Variants in DIAPH3 observed in about 807,000 individuals in gnomAD.
The protein encoded by DIAPH3 is protein diaphanous homolog 3.
In DIAPH3, 117 loss-of-function variants were observed where a neutral mutation model predicts 144.3. The observed-to-expected ratio is 0.81, with a 90% confidence interval of 0.70 to 0.95. DIAPH3 has a LOEUF of 0.95. Among genes scored for constraint, DIAPH3 ranks in the 40% least tolerant of loss-of-function variants. The pLI is 0.00. For synonymous variants in DIAPH3, 519 were observed against 488.9 expected (o/e 1.06, Z -0.81); for missense variants, 1,421 against 1,412.7 (o/e 1.01, Z -0.09).
At chr13:59,736,678 CA>C (rs1175530566) in intron 27 of DIAPH3, among the ~76,000 whole-genome samples, 9 of 152,040 alleles carry the variant, frequency 5.9e-5, no homozygotes, top group African/African-American at 1.9e-4. Context: ...ATGTGGAACT[CA>C]AAAAGAGCCC....
At chr13:59,811,940 GA>G (rs2040499718) in intron 24 of DIAPH3, among the ~76,000 whole-genome samples, 1 of 151,956 alleles carries the variant, frequency 6.6e-6, no homozygotes. Flanking sequence ...GTAAACATGG[GA>G]TTTTTAAGTG....
chr13:59,881,014 C>T (rs1198964146), intron 20 of DIAPH3, among the ~76,000 whole-genome samples: 1 of 141,420 alleles, frequency 7.1e-6, no homozygotes, highest in Admixed American at 7.1e-5. Context: ...GAAGAAATAT[C>T]ATTAAGTTTA....
At chr13:60,004,040 C>T (rs1321220499) in intron 9 of DIAPH3, among the ~76,000 whole-genome samples, 2 of 152,092 alleles carry the variant, frequency 1.3e-5, no homozygotes, top group African/African-American at 4.8e-5. Context: ...AGTAACAATT[C>T]TCCTTATTCT....
chr13:59,963,275 C>G (rs2049863085), intron 17 of DIAPH3, among the ~76,000 whole-genome samples: 1 of 152,110 alleles, frequency 6.6e-6, no homozygotes, highest in Non-Finnish European at 1.5e-5. Context: ...GGGACAAGAA[C>G]AGCTTATCTA....
intron 20 of DIAPH3, among the ~76,000 whole-genome samples, chr13:59,902,353 C>T (rs1202651649): frequency 1.3e-5 from 2 of 152,068 alleles, no homozygotes; most frequent in Non-Finnish European, 2.9e-5. Context: ...CCTTCTCTGG[C>T]CATGTAAGAC....
rs2031981105 is a variant in DIAPH3, at chr13:59,665,865, A to G, written c.*719T>C. 6.6e-6 allele frequency: 1 copy of G among 152,496 alleles called. No individual in the cohort carries two copies. The highest frequency in any genetic ancestry group is 6.5e-5 in the Admixed American group (1 of 15,286). The allele number at this position is 152,496 out of a possible 1,614,324, so 9.4% of individuals were successfully genotyped here. Reference sequence around the variant, plus strand: ...AATACTCTCTTAGCCAAGATCAAGAATTTCGGCAGCACTGCAATTCTGTTT... The same window carrying G: ...AATACTCTCTTAGCCAAGATCAAGAGTTTCGGCAGCACTGCAATTCTGTTT... On this transcript the variant is annotated 3_prime_UTR_variant, in exon 28 of 28. Transcript: ENST00000400324.
At chr13:59,925,429 C>T (rs2047707648) in intron 17 of DIAPH3, among the ~76,000 whole-genome samples, 1 of 152,076 alleles carries the variant, frequency 6.6e-6, no homozygotes, top group African/African-American at 2.4e-5. Context: ...GTATTATCTT[C>T]GTGATGTACT....
intron 9 of DIAPH3, among the ~76,000 whole-genome samples, chr13:60,006,192 A>C (rs1163883598): frequency 6.6e-6 from 1 of 152,174 alleles, no homozygotes; most frequent in Admixed American, 6.6e-5. Flanking sequence ...TTTATGTCTA[A>C]CAGCCAAAAC....
chr13:59,983,270 T>C (rs1189622911), intron 13 of DIAPH3, among the ~76,000 whole-genome samples: 1 of 146,910 alleles, frequency 6.8e-6, no homozygotes, highest in African/African-American at 2.5e-5. Flanking sequence ...ATTACACAAA[T>C]ATTTTCTTAT....
chr13:59,870,115 T>A (rs1205039728), intron 21 of DIAPH3, among the ~76,000 whole-genome samples: 1 of 151,806 alleles, frequency 6.6e-6, no homozygotes, highest in African/African-American at 2.4e-5. Flanking sequence ...TATATTTAGG[T>A]CCATGATAAA....
intron 25 of DIAPH3, among the ~76,000 whole-genome samples, chr13:59,808,010 T>C (rs1842729523): frequency 6.6e-6 from 1 of 151,758 alleles, no homozygotes; most frequent in Non-Finnish European, 1.5e-5. Flanking sequence ...ATATATCAAA[T>C]ATATGATTAA....
intron 2 of DIAPH3, among the ~76,000 whole-genome samples, chr13:60,130,036 G>A (rs1192691831): frequency 6.6e-6 from 1 of 152,124 alleles, no homozygotes; most frequent in East Asian, 1.9e-4. Flanking sequence ...TATGAGAAAG[G>A]AAGAAACTGT....
chr13:59,701,288 C>G (rs1206392334), intron 27 of DIAPH3, among the ~76,000 whole-genome samples: 1 of 152,106 alleles, frequency 6.6e-6, no homozygotes, highest in Admixed American at 6.5e-5. Flanking sequence ...TGAAGGTAAT[C>G]ATTATACATC....
chr13:60,066,255 A>G (rs932117042), intron 4 of DIAPH3, among the ~76,000 whole-genome samples: 4 of 152,068 alleles, frequency 2.6e-5, no homozygotes, highest in Non-Finnish European at 5.9e-5. Context: ...ACAACAATAA[A>G]ATTTTTAAGT....
At chr13:59,731,605 G>A (rs1053105447) in intron 27 of DIAPH3, among the ~76,000 whole-genome samples, 1 of 152,140 alleles carries the variant, frequency 6.6e-6, no homozygotes, top group Non-Finnish European at 1.5e-5. Context: ...CGTAAAGGCA[G>A]CTCTGTAATT....
intron 27 of DIAPH3, among the ~76,000 whole-genome samples, chr13:59,740,270 C>T (rs2036383376): frequency 1.3e-5 from 2 of 152,136 alleles, no homozygotes; most frequent in Admixed American, 1.3e-4. Flanking sequence ...ATTTTTGAGT[C>T]AGAAAGATCT....
At chr13:60,065,450 T>C (rs1339534882) in intron 4 of DIAPH3, among the ~76,000 whole-genome samples, 1 of 152,158 alleles carries the variant, frequency 6.6e-6, no homozygotes, top group Admixed American at 6.5e-5. Context: ...GTAAGCTACA[T>C]TAGGGTAGGG....
chr13:59,919,300 TC>T (rs2047398088), intron 18 of DIAPH3, among the ~76,000 whole-genome samples: 1 of 151,972 alleles, frequency 6.6e-6, no homozygotes, highest in Admixed American at 6.6e-5. Context: ...GATATAAATA[TC>T]CAGATACGGG....
chr13:59,670,773 C>T (rs2032328180), intron 27 of DIAPH3, among the ~76,000 whole-genome samples: 3 of 151,994 alleles, frequency 2.0e-5, no homozygotes, highest in Admixed American at 6.6e-5. Flanking sequence ...TTAGTAAAGA[C>T]GGGGTTTCAC....
Sources: gnomAD v4.1 joint callset for allele counts (sites outside exome capture counted in the v4.1 genomes callset) on GRCh38, gnomAD v4.1.1 for gene constraint, MANE v1.5 for transcripts, NCBI Gene and HGNC (gene_info 2026-07-23, HGNC 2026-07-21) for gene names.